PFKL: variants seen among roughly 807,000 people sequenced by gnomAD.
The protein encoded by PFKL is phosphofructokinase, liver type.
Under a neutral mutation model 92.1 loss-of-function variants are expected in PFKL, and 74 were observed. The ratio of observed to expected loss-of-function variants is 0.80; its 90% confidence interval spans 0.67 to 0.97. The LOEUF is 0.97. PFKL is among the 50% of genes least tolerant of loss of function. PFKL has a pLI of 0.00. For synonymous variants in PFKL, 494 were observed against 456.4 expected, an observed-to-expected ratio of 1.08 and a Z score of -1.05; for missense variants, 1,028 against 1,116.6, an observed-to-expected ratio of 0.92 and a Z score of 1.13.
intron 18 of PFKL, 104 bp from the exon 19 acceptor site, chr21:44,325,049 T>C (rs1486636042): frequency 6.7e-6 from 8 of 1,185,664 alleles, no homozygotes; most frequent in South Asian, 2.6e-5. Flanking sequence ...GCGGCTTTCC[T>C]GGGAGCTGCC....
At chr21:44,306,616 T>TGTG in intron 1 of PFKL, 65 bp from the exon 2 acceptor site, 8 of 1,393,400 alleles carry the variant, frequency 5.7e-6, no homozygotes, top group Non-Finnish European at 8.0e-6. Context: ...TCCTCTGAGA[T>TGTG]GGGGAGGGTG....
chr21:44,312,030 G>C (rs2047060136), intron 3 of PFKL, 75 bp from the exon 4 acceptor site: 6 of 1,228,224 alleles, frequency 4.9e-6, no homozygotes, highest in African/African-American at 1.6e-5. Flanking sequence ...CCCAGTCCTG[G>C]GGTCCCTCTG....
intron 1 of PFKL, chr21:44,305,818 G>GCC: frequency 7.3e-7 from 1 of 1,366,888 alleles, no homozygotes; most frequent in Non-Finnish European, 9.8e-7. Context: ...CTTTGCCAAG[G>GCC]CCCCCGCTGG....
intron 21 of PFKL, 71 bp from the exon 22 acceptor site, chr21:44,326,644 G>A (rs1602061949): frequency 4.1e-6 from 3 of 729,616 alleles, no homozygotes; most frequent in South Asian, 1.5e-5. Flanking sequence ...GGGTGGGGGG[G>A]CTGGGGACGT....
chr21:44,314,911 A>T (rs1214090664), intron 7 of PFKL: 1 of 152,284 alleles, frequency 6.6e-6, no homozygotes, highest in Admixed American at 6.5e-5. Flanking sequence ...CTGGGGGCAG[A>T]GGGTGGGTTT....
At chr21:44,310,574 G>A (rs912222800) in intron 2 of PFKL, among the ~76,000 whole-genome samples, 1 of 152,174 alleles carries the variant, frequency 6.6e-6, no homozygotes, top group African/African-American at 2.4e-5. Context: ...TGCCTGGGAG[G>A]ACTCCAGTGG....
At chr21:44,325,326 G>C (rs755999152) in intron 19 of PFKL, 62 bp downstream of exon 19, 4 of 1,175,270 alleles carry the variant, frequency 3.4e-6, no homozygotes, top group Non-Finnish European at 5.1e-6. Flanking sequence ...ATCTGTCCCC[G>C]GCCCCAGGGG....
In PFKL at chr21:44,321,885, G is replaced by A; in HGVS notation, c.1338+10G>A. 1 of 1,523,422 alleles carries A rather than the reference G, an allele frequency of 6.6e-7. No homozygotes were observed. The highest frequency in any genetic ancestry group is 2.1e-5 in the Admixed American group (1 of 47,008). 94.4% of individuals were successfully genotyped at this position (1,523,422 alleles called of 1,614,324 possible). ...CCTAGCCAAGGGTCAGGTGGGTCCGGCCGGGGCAAACAAGTGAGGACTTGG... is the reference window on the plus strand; with the variant it reads ...CCTAGCCAAGGGTCAGGTGGGTCCGACCGGGGCAAACAAGTGAGGACTTGG... On this transcript the variant is annotated intron_variant, in intron 13 of 21. Transcript: ENST00000349048.
Position 44,316,107 on chromosome 21 carries a change from C to T in PFKL, c.748-137C>T, listed in dbSNP as rs535679168. On this transcript the variant is annotated intron_variant, in intron 7 of 21. Coordinates refer to ENST00000349048, the MANE Select transcript of PFKL (RefSeq NM_002626.6). ...CCTCGCGCTCCAGGCCTGCTTTCCTCCTGCTGGGTGGGGATTGTGCCCTGG... is the reference window on the plus strand; with the variant it reads ...CCTCGCGCTCCAGGCCTGCTTTCCTTCTGCTGGGTGGGGATTGTGCCCTGG... The T allele has an allele frequency of 6.5e-4, 492 of 751,312 alleles. 1 individual carries two copies. Among genetic ancestry groups the T allele is most frequent in the Non-Finnish European group, 9.5e-4 (417 of 436,848 alleles). The allele number at this position is 751,312 out of a possible 1,614,324, so 46.5% of individuals were successfully genotyped here. A position where few individuals can be genotyped will look rare whatever the true frequency, so the allele number is the denominator to read the frequency against.
intron 7 of PFKL, chr21:44,315,933 A>AGGGCCCAGCCCCAGCTGTGTGTGTGCT (rs564385079): frequency 4.9e-6 from 2 of 412,220 alleles, no homozygotes; most frequent in East Asian, 5.1e-5. Context: ...ACCAGACACA[A>AGGGCCCAGCCCCAGCTGTGTGTGTGCT]GGGCCCAGCC....
Position 44,313,979 on chromosome 21 carries a change from C to A in PFKL, c.705C>A (p.Pro235=). 1 of 1,608,346 alleles carries A rather than the reference C, an allele frequency of 6.2e-7. No homozygotes were observed. Among genetic ancestry groups the A allele is most frequent in the Admixed American group, 1.7e-5 (1 of 59,332 alleles). ...GGCTGTTCATCCCCGAGGCTCCACC[C>A]GAGGACGGCTGGGAGAACTTCATGT... ...ADWLFIPEAP[P]EDGWENFMCE... Residue 235 remains proline (P), a synonymous_variant, in exon 7 of 22, where the codon CCC becomes CCA. Coordinates refer to ENST00000349048, the MANE Select transcript of PFKL (RefSeq NM_002626.6).
chr21:44,320,032 G>C, intron 11 of PFKL, 52 bp from the exon 12 acceptor site: 1 of 1,523,126 alleles, frequency 6.6e-7, no homozygotes, highest in South Asian at 1.1e-5. Context: ...CGCTGTGGCT[G>C]TACGCCGTGG....
chr21:44,318,695 C>T (rs1025420166), intron 10 of PFKL, 100 bp downstream of exon 10: 26 of 1,086,838 alleles, frequency 2.4e-5, no homozygotes, highest in East Asian at 6.6e-5. Flanking sequence ...CTGTGAGCAC[C>T]GGAGGGCAGG....
At chr21:44,300,227 G>C (rs2040728290) in intron 1 of PFKL, 37 bp downstream of exon 1, 1 of 993,424 alleles carries the variant, frequency 1.0e-6, no homozygotes, top group African/African-American at 1.8e-5. Flanking sequence ...GGCGCAGGGG[G>C]TGGAGGGCGC....
chr21:44,304,355 C>T, intron 1 of PFKL: 1 of 1,286,808 alleles, frequency 7.8e-7, no homozygotes, highest in Non-Finnish European at 1.0e-6. Flanking sequence ...ATTGACTCCG[C>T]CTGGAGCTGG....
At chr21:44,306,055 C>T in intron 1 of PFKL, 2 of 893,488 alleles carry the variant, frequency 2.2e-6, no homozygotes, top group Non-Finnish European at 3.1e-6. Context: ...CCCCTTCCAG[C>T]AGGTGCTTTC....
Position 44,312,271 on chromosome 21 carries a change from T to A in PFKL, c.404T>A (p.Leu135Gln). 2.5e-6 allele frequency: 4 copies of A among 1,595,380 alleles called. No individual in the cohort carries two copies. The South Asian group carries it at 4.5e-5, about 18-fold the overall frequency. The stretch of plus-strand genomic sequence containing the variant: ...ATCTTCCGCAGCGAGTGGGGCAGCC[T>A]GCTGGAGGAGCTGGTGGCGGAAGGT... The part of the protein sequence containing the change: ...ANIFRSEWGS[L>Q]LEELVAEGKI... Residue 135 changes from leucine to glutamine, a missense_variant, in exon 4 of 22, where the codon CTG becomes CAG. Coordinates refer to ENST00000349048, the MANE Select transcript of PFKL (RefSeq NM_002626.6).
intron 1 of PFKL, chr21:44,304,133 C>A: frequency 8.7e-7 from 1 of 1,153,340 alleles, no homozygotes; most frequent in Non-Finnish European, 1.1e-6. Context: ...CTCCCAAGGG[C>A]TCAGCACAAA....
At chr21:44,312,752 C>T (rs2047084213) in intron 4 of PFKL, among the ~76,000 whole-genome samples, 1 of 152,186 alleles carries the variant, frequency 6.6e-6, no homozygotes. Context: ...GAGGCCTTGG[C>T]CGCTCTGCAA....
Sources: gnomAD v4.1 joint callset for allele counts (sites outside exome capture counted in the v4.1 genomes callset) on GRCh38, gnomAD v4.1.1 for gene constraint, MANE v1.5 for transcripts, NCBI Gene and HGNC (gene_info 2026-07-23, HGNC 2026-07-21) for gene names.